The following CLTRN variants were observed in gnomAD, a reference collection of about 807,000 sequenced individuals.
CLTRN encodes collectrin, amino acid transport regulator, also known as collectrin.
In CLTRN, 12 loss-of-function variants were observed where a neutral mutation model predicts 14.5. The observed-to-expected ratio is 0.83, with a 90% confidence interval of 0.53 to 1.34. CLTRN has a LOEUF of 1.34. Ranked by LOEUF, CLTRN falls within the 40% of genes most tolerant of loss-of-function variation. CLTRN has a pLI of 0.00. For missense variants in CLTRN, 154 were observed against 165.1 expected (o/e 0.93, Z 0.37); for synonymous variants, 58 against 56.5 (o/e 1.03, Z -0.12).
At chrX:15,629,715 G>A (rs1294777112) in intron 5 of CLTRN, among the ~76,000 whole-genome samples, 1 of 111,140 alleles carries the variant, frequency 9.0e-6, no homozygotes, top group Admixed American at 9.6e-5. Flanking sequence ...TGTGAGAGAC[G>A]GTTGGAGAAC....
chrX:15,668,627 T>C (rs1259276494), upstream of CLTRN, among the ~76,000 whole-genome samples: 1 of 112,116 alleles, frequency 8.9e-6, no homozygotes. Flanking sequence ...TTTCAAGTGC[T>C]GATTCTTGAA....
At chrX:15,657,499 G>C (rs1929400988) in intron 3 of CLTRN, among the ~76,000 whole-genome samples, 1 of 112,370 alleles carries the variant, frequency 8.9e-6, no homozygotes, top group African/African-American at 3.2e-5. Flanking sequence ...TAGGTGAAAT[G>C]TGATCATTTA....
chrX:15,675,268 G>A (rs1036919677), upstream of CLTRN, among the ~76,000 whole-genome samples: 1 of 112,015 alleles, frequency 8.9e-6, no homozygotes, highest in Non-Finnish European at 1.9e-5. Flanking sequence ...AGGTGGGGTA[G>A]GCAGACTAGT....
At chrX:15,639,473 T>G in intron 5 of CLTRN, 89 bp downstream of exon 5, 1 of 855,113 alleles carries the variant, frequency 1.2e-6, no homozygotes, top group Non-Finnish European at 1.7e-6. Context: ...AGGCATTATC[T>G]TCAGCCAGAG....
intron 5 of CLTRN, among the ~76,000 whole-genome samples, chrX:15,637,228 T>C (rs946166454): frequency 2.7e-5 from 3 of 111,169 alleles, no homozygotes; most frequent in Non-Finnish European, 3.8e-5. Context: ...TTGTTGAACA[T>C]TCCTTTGACT....
Position 15,645,018 on chromosome X carries a change from A to T in CLTRN, c.215T>A (p.Val72Asp). 1 of 1,187,424 alleles carries T rather than the reference A, an allele frequency of 8.4e-7. No homozygotes were observed. Among genetic ancestry groups the T allele is most frequent in the Non-Finnish European group, 1.1e-6 (1 of 879,203 alleles). ...CCTCTGGGTTACATTGCAAAGTAGGACATGGGAAATTCTGCAGACAGTGGA... is the reference window on the plus strand; with the variant it reads ...CCTCTGGGTTACATTGCAAAGTAGGTCATGGGAAATTCTGCAGACAGTGGA... ...PNREATEISH[V>D]LLCNVTQRVS... Residue 72 changes from valine (V) to aspartate (D), a missense_variant, in exon 4 of 6, where the codon GTC becomes GAC. Physicochemically the swap from Val to Asp is radical, Grantham distance 152 (BLOSUM62 -3). Transcript: ENST00000380342.
intron 3 of CLTRN, among the ~76,000 whole-genome samples, chrX:15,652,471 CAA>C (rs79756100): frequency 1.7e-4 from 10 of 57,803 alleles, no homozygotes; most frequent in Admixed American, 4.0e-4. Flanking sequence ...ACTTTACAGA[CAA>C]AAAAAAAAAA....
At chrX:15,661,824 G>A (rs1162240598) in intron 2 of CLTRN, among the ~76,000 whole-genome samples, 1 of 112,285 alleles carries the variant, frequency 8.9e-6, no homozygotes, top group Non-Finnish European at 1.9e-5. Context: ...TATATGCCAC[G>A]TGTGGCTTCA....
At chrX:15,672,202 A>G (rs1044301734) in intron 1 of CLTRN, among the ~76,000 whole-genome samples, 6 of 110,984 alleles carry the variant, frequency 5.4e-5, no homozygotes, top group Admixed American at 9.6e-5. Context: ...CTTAAATGGG[A>G]AAAAAAAAGT....
chrX:15,644,779 A>G, intron 4 of CLTRN, 137 bp downstream of exon 4: 1 of 449,140 alleles, frequency 2.2e-6, no homozygotes. Flanking sequence ...ACAGAAACTA[A>G]CAAAATGAAA....
At chrX:15,674,335 T>C (rs989894054) in intron 1 of CLTRN, among the ~76,000 whole-genome samples, 1 of 111,635 alleles carries the variant, frequency 9.0e-6, no homozygotes, top group African/African-American at 3.3e-5. Context: ...CTAGAGAGCA[T>C]TAGGGCACCA....
At chrX:15,653,209 T>C (rs1299036996) in intron 3 of CLTRN, among the ~76,000 whole-genome samples, 1 of 111,738 alleles carries the variant, frequency 8.9e-6, no homozygotes, top group Non-Finnish European at 1.9e-5. Flanking sequence ...TGCAAATTCT[T>C]GTGGTTTGGG....
At chrX:15,646,462 A>AACCCCCCCCCCCCC in intron 3 of CLTRN, 1 of 170,840 alleles carries the variant, frequency 5.9e-6, no homozygotes, top group Admixed American at 6.2e-5. Context: ...CCGCGCACCC[A>AACCCCCCCCCCCCC]CCCCCCCGCC....
chrX:15,648,179 T>C (rs1420708085), intron 3 of CLTRN, among the ~76,000 whole-genome samples: 2 of 109,754 alleles, frequency 1.8e-5, no homozygotes, highest in Admixed American at 9.8e-5. Context: ...CTCGTCACCA[T>C]AGCAGAGAAT....
intron 3 of CLTRN, among the ~76,000 whole-genome samples, chrX:15,651,460 T>C (rs1004889881): frequency 5.1e-4 from 56 of 110,656 alleles, no homozygotes; most frequent in African/African-American, 1.1e-3. Flanking sequence ...TATGTGAGAA[T>C]AGACCCAGGA....
At chrX:15,645,262 C>CA (rs1243848595) in intron 3 of CLTRN, among the ~76,000 whole-genome samples, 1 of 111,559 alleles carries the variant, frequency 9.0e-6, no homozygotes, top group East Asian at 2.8e-4. Context: ...GGGAATCTGC[C>CA]AAAAAATAAT....
At chrX:15,669,051 ATTCT>A (rs1369098920), upstream of CLTRN, among the ~76,000 whole-genome samples, 2 of 111,692 alleles carry the variant, frequency 1.8e-5, no homozygotes, top group Non-Finnish European at 3.8e-5. Flanking sequence ...ATAATTTGCA[ATTCT>A]TTCTGTTTTT....
intron 4 of CLTRN, among the ~76,000 whole-genome samples, chrX:15,641,650 G>GTGTGTGTGTT (rs1555981626): frequency 1.9e-5 from 2 of 108,068 alleles, no homozygotes; most frequent in Non-Finnish European, 3.8e-5. Flanking sequence ...GTGTGTGTGT[G>GTGTGTGTGTT]TGTGTGTGTG....
chrX:15,634,504 C>A (rs1373329528), intron 5 of CLTRN, among the ~76,000 whole-genome samples: 1 of 109,824 alleles, frequency 9.1e-6, no homozygotes, highest in Non-Finnish European at 1.9e-5. Flanking sequence ...ATTATCACTA[C>A]CATCATAAAA....
Sources: gnomAD v4.1 joint callset for allele counts (sites outside exome capture counted in the v4.1 genomes callset) on GRCh38, gnomAD v4.1.1 for gene constraint, MANE v1.5 for transcripts, NCBI Gene and HGNC (gene_info 2026-07-23, HGNC 2026-07-21) for gene names.